Variants in EFR3B observed in about 807,000 individuals in gnomAD.
EFR3B encodes the protein EFR3 homolog B.
EFR3B carries 64 observed loss-of-function variants against 104.7 expected under a neutral mutation model. That is an observed-to-expected ratio of 0.61 (90% CI 0.50 to 0.75). The LOEUF is 0.75. Ranked by LOEUF, EFR3B falls within the 30% of genes least tolerant of loss-of-function variation. EFR3B has a pLI of 0.00. For synonymous variants in EFR3B, 385 were observed against 417.9 expected (o/e 0.92, Z 0.96); for missense variants, 750 against 1,078.5 (o/e 0.70, Z 4.27).
At chr2:25,058,506 C>T (rs570335176) in intron 1 of EFR3B, among the ~76,000 whole-genome samples, 1 of 152,096 alleles carries the variant, frequency 6.6e-6, no homozygotes, top group Non-Finnish European at 1.5e-5. Flanking sequence ...TGCCTGTAAT[C>T]CCAGCACTTT....
chr2:25,085,451 T>C (rs1198531761), intron 1 of EFR3B, among the ~76,000 whole-genome samples: 1 of 152,150 alleles, frequency 6.6e-6, no homozygotes, highest in African/African-American at 2.4e-5. Context: ...AATAAAAATA[T>C]TCATCACAAT....
At chr2:25,132,760 C>A in intron 10 of EFR3B, 143 bp from the exon 11 acceptor site, 1 of 680,502 alleles carries the variant, frequency 1.5e-6, no homozygotes, top group Admixed American at 2.7e-5. Context: ...CCGAATCACA[C>A]CCGGGCTATC....
intron 1 of EFR3B, among the ~76,000 whole-genome samples, chr2:25,091,030 C>A (rs1217367710): frequency 2.6e-5 from 4 of 152,214 alleles, no homozygotes; most frequent in Non-Finnish European, 5.9e-5. Context: ...CGAAGCCTCA[C>A]CCCTCAAAAT....
At chr2:25,110,218 C>A (rs1050463037) in intron 4 of EFR3B, among the ~76,000 whole-genome samples, 15 of 152,160 alleles carry the variant, frequency 9.9e-5, no homozygotes, top group Admixed American at 6.6e-5. Flanking sequence ...CTCGGGACAC[C>A]CTCTGTCCAC....
intron 1 of EFR3B, among the ~76,000 whole-genome samples, chr2:25,077,589 G>A (rs1329952171): frequency 1.3e-5 from 2 of 152,152 alleles, no homozygotes; most frequent in Admixed American, 6.6e-5. Flanking sequence ...ATGCCTGGCC[G>A]AAAGGCCTTC....
At chr2:25,097,350 G>A (rs1022348671) in intron 3 of EFR3B, among the ~76,000 whole-genome samples, 9 of 152,100 alleles carry the variant, frequency 5.9e-5, no homozygotes, top group Admixed American at 3.3e-4. Flanking sequence ...CGTACCCAAC[G>A]CCACATACAT....
intron 1 of EFR3B, among the ~76,000 whole-genome samples, chr2:25,086,505 A>G (rs1668954609): frequency 2.0e-5 from 3 of 152,148 alleles, no homozygotes; most frequent in Admixed American, 6.5e-5. Context: ...CATTTCCTGG[A>G]TGACATATGA....
At chr2:25,060,734 C>G (rs1668168595) in intron 1 of EFR3B, among the ~76,000 whole-genome samples, 1 of 152,000 alleles carries the variant, frequency 6.6e-6, no homozygotes, top group Non-Finnish European at 1.5e-5. Context: ...TCATGGCTAA[C>G]ACAGCGAAAC....
intron 20 of EFR3B, among the ~76,000 whole-genome samples, chr2:25,150,737 C>T (rs754015120): frequency 5.9e-5 from 9 of 151,394 alleles, no homozygotes; most frequent in African/African-American, 1.5e-4. Flanking sequence ...CAGCCTCCCG[C>T]GTGACTGGGA....
chr2:25,085,804 G>T (rs1240405089), intron 1 of EFR3B, among the ~76,000 whole-genome samples: 1 of 151,002 alleles, frequency 6.6e-6, no homozygotes, highest in Non-Finnish European at 1.5e-5. Context: ...TTCAGAATAT[G>T]TTAATTTGTG....
chr2:25,119,846 T>C (rs536629682), intron 4 of EFR3B, among the ~76,000 whole-genome samples: 4 of 152,316 alleles, frequency 2.6e-5, no homozygotes, highest in Admixed American at 2.6e-4. Context: ...TTAACAACTT[T>C]TAAGTTGTTA....
Position 25,155,371 on chromosome 2 carries a change from A to C in EFR3B, c.*1031A>C, listed in dbSNP as rs1671132232. 1 of 152,058 alleles carries C rather than the reference A, an allele frequency of 6.6e-6. No individual in the cohort carries two copies. Among genetic ancestry groups the C allele is most frequent in the Non-Finnish European group, 1.5e-5 (1 of 68,020 alleles). 9.4% of individuals were successfully genotyped at this position (152,058 alleles called of 1,614,324 possible). ...CCGTTTGAAGAAAGAAGGATCTAAC[A>C]CCTAATATTGGAATGATTTCTTCAC... On this transcript the variant is annotated 3_prime_UTR_variant, in exon 23 of 23. Coordinates refer to ENST00000403714, the MANE Select transcript of EFR3B (RefSeq NM_014971.2).
At chr2:25,138,917 G>A in intron 15 of EFR3B, 142 bp from the exon 16 acceptor site, 2 of 1,210,630 alleles carry the variant, frequency 1.7e-6, no homozygotes, top group Non-Finnish European at 2.3e-6. Context: ...CCCCCAGGAA[G>A]GTTTGGGTCA....
chr2:25,079,835 C>G, intron 1 of EFR3B: 1 of 823,852 alleles, frequency 1.2e-6, no homozygotes, highest in Non-Finnish European at 2.1e-6. Flanking sequence ...AACAATAACA[C>G]AGAACACAGT....
intron 1 of EFR3B, chr2:25,081,034 T>C: frequency 1.3e-6 from 1 of 749,822 alleles, no homozygotes; most frequent in Non-Finnish European, 2.5e-6. Context: ...TCTGCAATGT[T>C]GACACCACCA....
chr2:25,110,843 T>G (rs912943948), intron 4 of EFR3B, among the ~76,000 whole-genome samples: 1 of 152,244 alleles, frequency 6.6e-6, no homozygotes, highest in Non-Finnish European at 1.5e-5. Context: ...CTATCCTTTT[T>G]CAAATCAGAA....
At chr2:25,047,581 C>A (rs1667757349) in intron 1 of EFR3B, among the ~76,000 whole-genome samples, 1 of 152,116 alleles carries the variant, frequency 6.6e-6, no homozygotes, top group Non-Finnish European at 1.5e-5. Flanking sequence ...TCACTGCAAC[C>A]TCCACCTCCC....
At chr2:25,049,751 G>A (rs567537455) in intron 1 of EFR3B, among the ~76,000 whole-genome samples, 1 of 152,186 alleles carries the variant, frequency 6.6e-6, no homozygotes, top group South Asian at 2.1e-4. Context: ...GGATGGGGAA[G>A]ACCTGTCCAG....
Position 25,131,719 on chromosome 2 carries a change from GAT to G in EFR3B, c.986-30_986-29del. ...ACAGAGGAGGAGGGTGCCAGCCTTG[GAT>G]CTCGGGTGTCCCGCCCCACCGCTCT... is the stretch of plus-strand genomic sequence containing the variant. On this transcript the variant is annotated intron_variant, in intron 9 of 22. Coordinates refer to ENST00000403714, the MANE Select transcript of EFR3B (RefSeq NM_014971.2). The surrounding 1 kb of genome is among the most constrained non-coding windows in gnomAD (Gnocchi z 7.6). 6.7e-7 allele frequency: 1 copy of G among 1,486,972 alleles called. No homozygotes were observed. Among genetic ancestry groups the G allele is most frequent in the Non-Finnish European group, 9.0e-7 (1 of 1,112,552 alleles). 92.1% of individuals were successfully genotyped at this position (1,486,972 alleles called of 1,614,324 possible).
Sources: gnomAD v4.1 joint callset for allele counts (sites outside exome capture counted in the v4.1 genomes callset) on GRCh38, gnomAD v4.1.1 for gene constraint, Gnocchi (gnomAD v3.1) non-coding constraint, MANE v1.5 for transcripts, NCBI Gene and HGNC (gene_info 2026-07-23, HGNC 2026-07-21) for gene names.